The following VWA3B variants were observed in gnomAD, a reference collection of about 807,000 sequenced individuals.
The protein encoded by VWA3B is von Willebrand factor A domain containing 3B, also known as von Willebrand factor A domain-containing protein 3B.
Under a neutral mutation model 158.3 loss-of-function variants are expected in VWA3B, and 138 were observed. That is an observed-to-expected ratio of 0.87 (90% CI 0.76 to 1.00). VWA3B has a LOEUF of 1.00. VWA3B is among the 50% of genes least tolerant of loss of function. VWA3B has a pLI of 0.00. For missense variants in VWA3B, 1,555 were observed against 1,565.1 expected (o/e 0.99, Z 0.11); for synonymous variants, 596 against 587.3 (o/e 1.01, Z -0.21).
chr2:98,260,215 G>T (rs1173153064), intron 21 of VWA3B, among the ~76,000 whole-genome samples: 2 of 151,656 alleles, frequency 1.3e-5, no homozygotes, highest in East Asian at 3.9e-4. Flanking sequence ...GGGTGTTTTG[G>T]ATATGTTTGT....
intron 26 of VWA3B, among the ~76,000 whole-genome samples, chr2:98,309,323 A>G (rs1376883878): frequency 6.6e-6 from 1 of 152,140 alleles, no homozygotes; most frequent in East Asian, 1.9e-4. Flanking sequence ...ATCTGAAGGA[A>G]GCTGTTAGGT....
intron 22 of VWA3B, among the ~76,000 whole-genome samples, chr2:98,287,334 A>G (rs1193402760): frequency 6.6e-6 from 1 of 152,086 alleles, no homozygotes; most frequent in African/African-American, 2.4e-5. Context: ...TTTTACCACT[A>G]CATGTTTGCT....
intron 9 of VWA3B, among the ~76,000 whole-genome samples, chr2:98,182,285 A>G (rs1680658597): frequency 6.6e-6 from 1 of 152,212 alleles, no homozygotes; most frequent in Non-Finnish European, 1.5e-5. Context: ...GGGGAACTCC[A>G]GTCCTGTTGC....
chr2:98,252,802 A>G (rs1470215323), intron 20 of VWA3B, among the ~76,000 whole-genome samples: 4 of 152,176 alleles, frequency 2.6e-5, no homozygotes, highest in African/African-American at 9.7e-5. Context: ...CTTTCTTAGC[A>G]GCAAAACCAA....
intron 11 of VWA3B, among the ~76,000 whole-genome samples, chr2:98,194,083 T>A (rs1177945854): frequency 6.6e-6 from 1 of 152,186 alleles, no homozygotes; most frequent in African/African-American, 2.4e-5. Context: ...CAATATTTAA[T>A]GTCACATTAT....
intron 14 of VWA3B, among the ~76,000 whole-genome samples, chr2:98,227,085 G>T (rs746007316): frequency 1.3e-5 from 2 of 152,184 alleles, no homozygotes; most frequent in Admixed American, 1.3e-4. Flanking sequence ...TGTTCAAATA[G>T]GAAGAGAAGA....
downstream of VWA3B, among the ~76,000 whole-genome samples, chr2:98,317,193 T>C (rs1209966946): frequency 6.6e-6 from 1 of 152,226 alleles, no homozygotes; most frequent in Non-Finnish European, 1.5e-5. Context: ...TTAGATAGGA[T>C]GACTGAACAT....
downstream of VWA3B, among the ~76,000 whole-genome samples, chr2:98,314,293 T>C (rs547213119): frequency 6.9e-4 from 105 of 152,230 alleles, no homozygotes; most frequent in Admixed American, 1.1e-3. Flanking sequence ...AGTGGCCCTC[T>C]TCAGTCTTCA....
At chr2:98,192,149 C>T (rs1415890292) in intron 10 of VWA3B, 3 of 152,290 alleles carry the variant, frequency 2.0e-5, no homozygotes, top group African/African-American at 4.8e-5. Context: ...ATTAGAAGAA[C>T]AAATAGTCTG....
At chr2:98,288,668 C>A (rs1445609857) in intron 22 of VWA3B, among the ~76,000 whole-genome samples, 9 of 152,206 alleles carry the variant, frequency 5.9e-5, no homozygotes, top group Non-Finnish European at 1.2e-4. Context: ...ACTTTTAATT[C>A]CACTCTATGA....
intron 22 of VWA3B, among the ~76,000 whole-genome samples, chr2:98,280,586 G>C (rs977822794): frequency 6.6e-6 from 1 of 152,360 alleles, no homozygotes; most frequent in East Asian, 1.9e-4. Context: ...CAGCTGGGAT[G>C]AGGCTGAGGC....
rs183711427 is a variant in VWA3B at position 98,242,397 on chromosome 2, C to T, written c.2673+5667C>T. On this transcript the variant is annotated intron_variant, in intron 19 of 27. Transcript: ENST00000477737. Reference sequence around the variant, plus strand: ...CTCTTTCAAAAAGATTAACTCTTCCCCAAGTCATATACACAATAAAACTGA... The same window carrying T: ...CTCTTTCAAAAAGATTAACTCTTCCTCAAGTCATATACACAATAAAACTGA... 405 of 447,076 alleles carry T rather than the reference C, an allele frequency of 9.1e-4. 3 individuals carry two copies. Among genetic ancestry groups the T allele is most frequent in the African/African-American group, 7.3e-3 (363 of 49,642 alleles). The allele number at this position is 447,076 out of a possible 1,614,324, so 27.7% of individuals were successfully genotyped here.
chr2:98,179,991 C>T (rs1294746000), intron 8 of VWA3B, among the ~76,000 whole-genome samples: 1 of 134,438 alleles, frequency 7.4e-6, no homozygotes, highest in African/African-American at 2.8e-5. Flanking sequence ...TCCTCCCTTC[C>T]TCCTTCCCTC....
intron 20 of VWA3B, among the ~76,000 whole-genome samples, chr2:98,253,372 A>G (rs767858026): frequency 3.3e-5 from 5 of 152,170 alleles, no homozygotes; most frequent in Admixed American, 6.5e-5. Flanking sequence ...CAAAATAATG[A>G]CATAAACTTG....
At chr2:98,170,141 GATGA>G (rs1411790141) in intron 8 of VWA3B, among the ~76,000 whole-genome samples, 2 of 152,066 alleles carry the variant, frequency 1.3e-5, no homozygotes, top group East Asian at 3.9e-4. Flanking sequence ...TGAATGAATG[GATGA>G]ATGAATCAAT....
At chr2:98,329,881 G>C in the VWA3B span, among the ~76,000 whole-genome samples, 1 of 152,186 alleles carries the variant, frequency 6.6e-6, no homozygotes, top group East Asian at 1.9e-4. Flanking sequence ...GTCTCAGCCT[G>C]CCCTTCCTGA....
chr2:98,282,351 C>G (rs1688928993), intron 22 of VWA3B, among the ~76,000 whole-genome samples: 1 of 152,066 alleles, frequency 6.6e-6, no homozygotes, highest in African/African-American at 2.4e-5. Flanking sequence ...TCCATAAAGT[C>G]CCATGCTGTG....
intron 8 of VWA3B, among the ~76,000 whole-genome samples, chr2:98,166,312 G>C (rs891426944): frequency 6.6e-6 from 1 of 152,134 alleles, no homozygotes; most frequent in Non-Finnish European, 1.5e-5. Context: ...ACTCCGGTCT[G>C]GGCAACAGAG....
intron 2 of VWA3B, among the ~76,000 whole-genome samples, chr2:98,103,654 A>G (rs1683237370): frequency 6.6e-6 from 1 of 152,160 alleles, no homozygotes; most frequent in African/African-American, 2.4e-5. Flanking sequence ...TAAGATTTTG[A>G]TCTTTTGAAA....
Sources: gnomAD v4.1 joint callset for allele counts (sites outside exome capture counted in the v4.1 genomes callset) on GRCh38, gnomAD v4.1.1 for gene constraint, MANE v1.5 for transcripts, NCBI Gene and HGNC (gene_info 2026-07-23, HGNC 2026-07-21) for gene names.